ADARB1: variants seen among roughly 807,000 people sequenced by gnomAD.
The protein encoded by ADARB1 is double-stranded RNA-specific editase 1.
In ADARB1, 10 loss-of-function variants were observed where a neutral mutation model predicts 52.4. The observed-to-expected ratio is 0.19, with a 90% CI of 0.12 to 0.32. The LOEUF (loss-of-function observed/expected upper bound fraction) is 0.32. ADARB1 is among the 10% of genes least tolerant of loss of function. The probability of loss-of-function intolerance (pLI) is 1.00; values close to 1 mark genes in which losing one functional copy is unlikely to be tolerated. For missense variants in ADARB1, 643 were observed against 922.3 expected, an observed-to-expected ratio of 0.70 and a Z score of 3.92; for synonymous variants, 349 against 371.1, an observed-to-expected ratio of 0.94 and a Z score of 0.68.
rs1569170648 is a variant in ADARB1 at position 45,208,406 on chromosome 21, G to A, written c.1747+3670G>A. Among the ~76,000 whole-genome samples the A allele has an allele frequency of 6.6e-6, 1 of 152,198 alleles. No individual in the cohort carries two copies. Among genetic ancestry groups the A allele is most frequent in the Non-Finnish European group, 1.5e-5 (1 of 68,030 alleles). ...GTCCTTGTGAAGAGCTTGCATTTAG[G>A]TATCTCTGGGAGGACAGCACAGGGA... On this transcript the variant is annotated intron_variant, in intron 9 of 10. Transcript: ENST00000348831. This position sits in a 1 kb window ranked among gnomAD's most constrained non-coding sequence, Gnocchi z 5.6.
intron 2 of ADARB1, among the ~76,000 whole-genome samples, chr21:45,138,919 C>G (rs897775663): frequency 7.4e-6 from 1 of 134,326 alleles, no homozygotes; most frequent in Non-Finnish European, 1.6e-5. Flanking sequence ...AGTTTGTTGT[C>G]TTCTTTTTTT....
intron 2 of ADARB1, among the ~76,000 whole-genome samples, chr21:45,135,641 G>A (rs576522723): frequency 6.6e-5 from 10 of 152,336 alleles, no homozygotes; most frequent in Admixed American, 1.3e-4. Flanking sequence ...AATTTAGGTC[G>A]AAAAGCAAAG....
chr21:45,153,996 C>T (rs2090434374), intron 2 of ADARB1, among the ~76,000 whole-genome samples: 2 of 152,322 alleles, frequency 1.3e-5, no homozygotes, highest in South Asian at 4.1e-4. Flanking sequence ...TTTAGAATTA[C>T]CACCACTTTT....
intron 2 of ADARB1, among the ~76,000 whole-genome samples, chr21:45,138,695 G>A (rs1431990152): frequency 6.6e-6 from 1 of 152,174 alleles, no homozygotes; most frequent in South Asian, 2.1e-4. Flanking sequence ...GGCACCCTTG[G>A]TAGAGGGGTA....
At chr21:45,119,425 G>T (rs746656800) in intron 1 of ADARB1, among the ~76,000 whole-genome samples, 35 of 152,160 alleles carry the variant, frequency 2.3e-4, no homozygotes, top group Non-Finnish European at 4.1e-4. Context: ...TTAGTGCCTT[G>T]GTCACCTTTA....
chr21:45,175,234 T>C (rs2091644708), intron 3 of ADARB1, among the ~76,000 whole-genome samples: 1 of 152,234 alleles, frequency 6.6e-6, no homozygotes, highest in East Asian at 1.9e-4. Flanking sequence ...AATAGTTTTC[T>C]CTTCTGAGAG....
chr21:45,221,472 C>A lies in ADARB1; in HGVS notation c.1926+458C>A, dbSNP rs1260238989. On this transcript the variant is annotated intron_variant, in intron 10 of 10. Coordinates refer to ENST00000348831, the MANE Select transcript of ADARB1 (RefSeq NM_001112.4). This position sits in a 1 kb window ranked among gnomAD's most constrained non-coding sequence, Gnocchi z 4.9. ...CTTTATATAGTAAGTCAGGGTATTA[C>A]TAGTTTGTGTGTATTCTTCAGTCAA... Among the ~76,000 whole-genome samples, 2 of 152,076 alleles carry A rather than the reference C, an allele frequency of 1.3e-5. No individual in the cohort carries two copies. Among genetic ancestry groups the A allele is most frequent in the African/African-American group, 4.8e-5 (2 of 41,386 alleles).
chr21:45,148,410 A>G (rs1238674607), intron 2 of ADARB1, among the ~76,000 whole-genome samples: 2 of 152,194 alleles, frequency 1.3e-5, no homozygotes, highest in Admixed American at 6.5e-5. Flanking sequence ...AAGAATCCGG[A>G]CAGGCAGCAG....
At chr21:45,099,510 C>A (rs1012166846) in intron 1 of ADARB1, among the ~76,000 whole-genome samples, 3 of 151,488 alleles carry the variant, frequency 2.0e-5, no homozygotes, top group Admixed American at 1.3e-4. Context: ...ACTAAAAGTA[C>A]AAAAAAAATT....
intron 5 of ADARB1, among the ~76,000 whole-genome samples, chr21:45,181,262 A>G (rs914206): frequency 1.3e-5 from 2 of 151,958 alleles, no homozygotes; most frequent in South Asian, 4.2e-4. Context: ...TTTCCCCCTG[A>G]GGGGTCACCT....
chr21:45,110,741 A>G (rs548821819), intron 1 of ADARB1, among the ~76,000 whole-genome samples: 5 of 152,310 alleles, frequency 3.3e-5, no homozygotes, highest in South Asian at 2.1e-4. Flanking sequence ...GTTTTTTACC[A>G]TTATTTTAAA....
chr21:45,110,122 T>C (rs1292288679), intron 1 of ADARB1, among the ~76,000 whole-genome samples: 3 of 152,216 alleles, frequency 2.0e-5, no homozygotes, highest in Non-Finnish European at 4.4e-5. Context: ...ACTTTGTATT[T>C]ATTTTTACTT....
intron 1 of ADARB1, among the ~76,000 whole-genome samples, chr21:45,084,844 C>G (rs1406353279): frequency 6.6e-6 from 1 of 152,166 alleles, no homozygotes; most frequent in East Asian, 1.9e-4. Flanking sequence ...CACAAGGTGT[C>G]CAACCCACCC....
intron 1 of ADARB1, among the ~76,000 whole-genome samples, chr21:45,106,335 G>C (rs1037147395): frequency 1.3e-5 from 2 of 152,152 alleles, no homozygotes; most frequent in African/African-American, 4.8e-5. Context: ...CGTGTATTAA[G>C]TACAGATATC....
In ADARB1 at chr21:45,131,573, C is replaced by T. The variant is rs147529549; in HGVS notation, c.-48+3000C>T. Among the ~76,000 whole-genome samples, 445 of 152,324 alleles carry T rather than the reference C, an allele frequency of 2.9e-3. 4 individuals carry two copies. The highest frequency in any genetic ancestry group is 0.01 in the African/African-American group (427 of 41,566). The stretch of plus-strand genomic sequence containing the variant: ...AGTGCCCATGTCACCATGATGCCTA[C>T]GCCACTTCTCATGTTGCTACCTGTT... On this transcript the variant is annotated intron_variant, in intron 2 of 10. Transcript: ENST00000348831.
chr21:45,134,689 ATTTTTTTTT>A (rs11369444), intron 2 of ADARB1: 1 of 373,210 alleles, frequency 2.7e-6, no homozygotes, highest in Non-Finnish European at 5.3e-6. Flanking sequence ...ACTTGCACAG[ATTTTTTTTT>A]TTTTTTTTTA....
chr21:45,202,967 GC>G (rs750218709), intron 8 of ADARB1, among the ~76,000 whole-genome samples: 3 of 149,394 alleles, frequency 2.0e-5, no homozygotes, highest in Non-Finnish European at 4.4e-5. Context: ...TTCCCTTGCA[GC>G]CTGTGCCACA....
intron 2 of ADARB1, among the ~76,000 whole-genome samples, chr21:45,140,966 G>T (rs1256105789): frequency 1.3e-5 from 2 of 152,156 alleles, no homozygotes. Flanking sequence ...GAGACAGGAG[G>T]ATTGCTTAAG....
intron 1 of ADARB1, among the ~76,000 whole-genome samples, chr21:45,077,238 A>T (rs1319934297): frequency 1.3e-5 from 2 of 152,364 alleles, no homozygotes; most frequent in East Asian, 3.9e-4. Context: ...CAAACAATAT[A>T]ATTCAAATAG....
Sources: allele counts gnomAD v4.1 joint callset (sites outside exome capture counted in the v4.1 genomes callset), GRCh38; gene constraint gnomAD v4.1.1; non-coding constraint Gnocchi (gnomAD v3.1); transcripts MANE v1.5; gene names NCBI Gene and HGNC (gene_info 2026-07-23, HGNC 2026-07-21).